The following IPO7 variants were observed in gnomAD, a reference collection of about 807,000 sequenced individuals.
IPO7 encodes importin-7.
In IPO7, 13 loss-of-function variants were observed where a neutral mutation model predicts 136.4. The observed-to-expected ratio is 0.10, with a 90% CI of 0.06 to 0.15. The LOEUF is 0.15. Ranked by LOEUF, IPO7 falls within the 10% of genes least tolerant of loss-of-function variation. IPO7 has a pLI of 1.00. For missense variants in IPO7, 857 were observed against 1,240.6 expected (o/e 0.69, Z 4.65); for synonymous variants, 403 against 404.4 (o/e 1.00, Z 0.04).
chr11:9,435,712 T>C (rs533297652), intron 19 of IPO7, among the ~76,000 whole-genome samples: 6 of 152,322 alleles, frequency 3.9e-5, no homozygotes, highest in Admixed American at 1.3e-4. Context: ...CACTTATTCA[T>C]ATGTTTATAC....
intron 12 of IPO7, among the ~76,000 whole-genome samples, chr11:9,427,765 A>C (rs138048275): frequency 0.013 from 1,960 of 152,310 alleles, 162 homozygotes; most frequent in Admixed American, 0.12. Flanking sequence ...AAAAACATGA[A>C]GTTGATTTTG....
chr11:9,437,712 A>G lies in IPO7; in HGVS notation c.2269-42A>G, dbSNP rs374837733. ...AATATTTTTAGAATGTTTGCATGCTATTAATTATAGTCTTAGAATATCTTG... is the reference window on the plus strand; with the variant it reads ...AATATTTTTAGAATGTTTGCATGCTGTTAATTATAGTCTTAGAATATCTTG... On this transcript the variant is annotated intron_variant, in intron 20 of 24. Transcript: ENST00000379719. 614 of 1,377,672 alleles carry G rather than the reference A, an allele frequency of 4.5e-4. 1 individual carries two copies. Among genetic ancestry groups the G allele is most frequent in the South Asian group, 6.9e-4 (57 of 82,714 alleles). The allele number at this position is 1,377,672 out of a possible 1,614,324, so 85.3% of individuals were successfully genotyped here. A position where few individuals can be genotyped will look rare whatever the true frequency, so the allele number is the denominator to read the frequency against.
Position 9,434,996 on chromosome 11 carries a change from A to G in IPO7, c.2137A>G (p.Lys713Glu), listed in dbSNP as rs1855350694. The G allele has an allele frequency of 1.2e-6, 2 of 1,607,512 alleles. No individual in the cohort carries two copies. The highest frequency in any genetic ancestry group is 1.7e-6 in the Non-Finnish European group (2 of 1,174,186). Residue 713 changes from lysine to glutamate, a missense_variant, in exon 19 of 25, where the codon AAG (lysine) becomes GAG (glutamate). Physicochemically the swap from Lys to Glu is moderately conservative, Grantham distance 56. This residue lies in a region of IPO7 where 190 missense variants were observed against 249.0 expected (regional missense o/e 0.76). Coordinates refer to ENST00000379719, the MANE Select transcript of IPO7 (RefSeq NM_006391.3). ...TACAGACACACTTCTGTCTGACACCAAGTATCTTGAAATGATATACAGTAT... is the reference window on the plus strand; with the variant it reads ...TACAGACACACTTCTGTCTGACACCGAGTATCTTGAAATGATATACAGTAT... Reference protein sequence around the residue: ...VDTDTLLSDTKYLEMIYSMCK... With the variant: ...VDTDTLLSDTEYLEMIYSMCK...
intron 15 of IPO7, chr11:9,430,665 G>C: frequency 2.0e-6 from 1 of 507,852 alleles, no homozygotes; most frequent in Non-Finnish European, 3.5e-6. Flanking sequence ...TGCAGAAAAG[G>C]TCAAGAGAAG....
chr11:9,413,451 ACT>A (rs1260454284), intron 4 of IPO7, among the ~76,000 whole-genome samples: 1 of 152,108 alleles, frequency 6.6e-6, no homozygotes, highest in Non-Finnish European at 1.5e-5. Flanking sequence ...ATCAGCTGCT[ACT>A]GTTTACGCAA....
intron 20 of IPO7, among the ~76,000 whole-genome samples, chr11:9,437,326 C>T (rs1489095086): frequency 5.8e-5 from 4 of 69,508 alleles, no homozygotes; most frequent in African/African-American, 1.3e-4. Flanking sequence ...GGCGCGATCT[C>T]AGCTCACTGC....
chr11:9,390,230 A>G (rs1478753339), intron 1 of IPO7, among the ~76,000 whole-genome samples: 1 of 150,722 alleles, frequency 6.6e-6, no homozygotes, highest in Non-Finnish European at 1.5e-5. Context: ...CTACTTTCTC[A>G]CTTGCTTTAT....
At chr11:9,435,711 A>G (rs1855359977) in intron 19 of IPO7, among the ~76,000 whole-genome samples, 1 of 152,100 alleles carries the variant, frequency 6.6e-6, no homozygotes, top group Admixed American at 6.6e-5. Flanking sequence ...ACACTTATTC[A>G]TATGTTTATA....
At chr11:9,440,433 T>C (rs1172809733) in intron 22 of IPO7, 22 bp from the exon 23 acceptor site, 2 of 1,570,746 alleles carry the variant, frequency 1.3e-6, no homozygotes, top group East Asian at 4.5e-5. Context: ...GTTATAAAAG[T>C]ACTTATATTA....
intron 6 of IPO7, among the ~76,000 whole-genome samples, chr11:9,419,175 C>T (rs563040651): frequency 6.6e-6 from 1 of 152,266 alleles, no homozygotes; most frequent in Non-Finnish European, 1.5e-5. Context: ...TCCAAAGTGG[C>T]TGTAGCATTG....
intron 1 of IPO7, among the ~76,000 whole-genome samples, chr11:9,389,733 A>G (rs1487730673): frequency 6.6e-6 from 1 of 151,736 alleles, no homozygotes; most frequent in Admixed American, 6.6e-5. Context: ...TAAGCTCAAT[A>G]TGGTATATAA....
rs551458193 is a variant in IPO7, at chr11:9,431,931, C to T, written c.1881+928C>T. On this transcript the variant is annotated intron_variant, in intron 16 of 24. Transcript: ENST00000379719. ...CAGACGCTGCAGTGAGCATAGATCG[C>T]GCCACTGCACTCCAGCCTGGGCGAC... Among the ~76,000 whole-genome samples the T allele has an allele frequency of 8.5e-5, 13 of 152,084 alleles. No individual in the cohort carries two copies. In the South Asian group the frequency reaches 2.7e-3, roughly 32 times the overall value.
intron 9 of IPO7, among the ~76,000 whole-genome samples, chr11:9,423,550 A>ATAT (rs1477084573): frequency 1.3e-5 from 2 of 152,210 alleles, no homozygotes; most frequent in East Asian, 3.8e-4. Flanking sequence ...TATTTAGAAT[A>ATAT]CTTAATTGCG....
In IPO7 at chr11:9,443,578, C is replaced by T. The variant is rs191040581; in HGVS notation, c.3019+1381C>T. On this transcript the variant is annotated intron_variant, in intron 24 of 24. Transcript: ENST00000379719. ...TGCACTCCAGCCTGGGCAACAAGAG[C>T]GAAACTCCGTCTCAAAAAAAAAAAA... is the stretch of plus-strand genomic sequence containing the variant. 3.1e-3 allele frequency among the ~76,000 whole-genome samples: 407 copies of T among 132,654 alleles called. 1 individual carries two copies. Among genetic ancestry groups the T allele is most frequent in the African/African-American group, 0.011 (365 of 34,064 alleles). 87.0% of individuals were successfully genotyped at this position (132,654 alleles called of 152,430 possible).
chr11:9,397,341 A>AAAAAAAATATATATATATATATATATAT, intron 1 of IPO7, among the ~76,000 whole-genome samples: 2 of 10,760 alleles, frequency 1.9e-4, no homozygotes, highest in Non-Finnish European at 3.7e-4. Context: ...TTTAAAAAAA[A>AAAAAAAATATATATATATATATATATAT]ATATATATAT....
chr11:9,417,121 G>A lies in IPO7; in HGVS notation c.699G>A (p.Lys233=). ...TGACAGAATGGATAGAAATTTTAAAGACTGTTGTGAACAGGGATGTACCTA... is the reference window on the plus strand; with the variant it reads ...TGACAGAATGGATAGAAATTTTAAAAACTGTTGTGAACAGGGATGTACCTA... ...QNLTEWIEIL[K]TVVNRDVPNE... Residue 233 remains lysine (K), a synonymous_variant, in exon 6 of 25, where the codon AAG becomes AAA. Transcript: ENST00000379719. 4 of 1,550,686 alleles carry A rather than the reference G, an allele frequency of 2.6e-6. No homozygotes were observed. The highest frequency in any genetic ancestry group is 3.6e-6 in the Non-Finnish European group (4 of 1,123,942).
intron 1 of IPO7, among the ~76,000 whole-genome samples, chr11:9,387,537 A>G (rs1424100632): frequency 6.6e-6 from 1 of 152,214 alleles, no homozygotes; most frequent in Admixed American, 6.5e-5. Flanking sequence ...TACTTTTAAA[A>G]TTAATTTTAT....
intron 24 of IPO7, among the ~76,000 whole-genome samples, chr11:9,442,590 T>A (rs1855473931): frequency 1.3e-5 from 2 of 152,118 alleles, no homozygotes. Context: ...ATTTTTTGTA[T>A]TTTTAGTAGA....
intron 20 of IPO7, 152 bp downstream of exon 20, chr11:9,436,518 A>T: frequency 1.8e-6 from 1 of 546,530 alleles, no homozygotes. Flanking sequence ...AATGTAACTA[A>T]TATATAATAA....
Sources: gnomAD v4.1 joint callset for allele counts (sites outside exome capture counted in the v4.1 genomes callset) on GRCh38, gnomAD v4.1.1 for gene constraint, gnomAD v4.1.1 regional missense constraint, MANE v1.5 for transcripts, NCBI Gene and HGNC (gene_info 2026-07-23, HGNC 2026-07-21) for gene names.